GLP1R: variants seen among roughly 807,000 people sequenced by gnomAD.
The protein encoded by GLP1R is glucagon-like peptide 1 receptor.
A neutral mutation model predicts 68.4 loss-of-function variants in GLP1R; 32 were observed. That is an observed-to-expected ratio of 0.47 (90% CI 0.35 to 0.63). GLP1R has a LOEUF of 0.63. Among genes scored for constraint, GLP1R ranks in the 20% least tolerant of loss-of-function variants. The pLI is 0.00. For synonymous variants in GLP1R, 263 were observed against 244.4 expected (o/e 1.08, Z -0.71); for missense variants, 502 against 594.9 (o/e 0.84, Z 1.62).
chr6:39,079,505 G>GGAA lies in GLP1R; in HGVS notation c.1044-53_1044-51dup. 6.7e-7 allele frequency: 1 copy of GGAA among 1,494,298 alleles called. No individual in the cohort carries two copies. Among genetic ancestry groups the GGAA allele is most frequent in the Non-Finnish European group, 9.0e-7 (1 of 1,110,822 alleles). 92.6% of individuals were successfully genotyped at this position (1,494,298 alleles called of 1,614,324 possible). A position where few individuals can be genotyped will look rare whatever the true frequency, so the allele number is the denominator to read the frequency against. On this transcript the variant is annotated intron_variant, in intron 10 of 12. Transcript: ENST00000373256. The surrounding 1 kb of genome is among the most constrained non-coding windows in gnomAD (Gnocchi z 4.5). The stretch of plus-strand genomic sequence containing the variant: ...TAGGAAGTGGGGAGGGTAGAGAAAG[G>GGAA]GAAGAAGAGTCCATGGGAGAGGTCC...
rs1407561609 is a variant in GLP1R at position 39,088,251 on chromosome 6, A to G, written c.*2178A>G. Among the ~76,000 whole-genome samples the G allele has an allele frequency of 6.6e-6, 1 of 152,060 alleles. No homozygotes were observed. Among genetic ancestry groups the G allele is most frequent in the Non-Finnish European group, 1.5e-5 (1 of 67,998 alleles). The stretch of plus-strand genomic sequence containing the variant: ...TTTCCTTCATGAATACATACAAGAT[A>G]CCGAACTGAAGAAATCTTTTCTTTG... On this transcript the variant is annotated 3_prime_UTR_variant, in exon 13 of 13. Coordinates refer to ENST00000373256, the MANE Select transcript of GLP1R (RefSeq NM_002062.5).
At chr6:39,064,727 G>T (rs1345285147) in intron 3 of GLP1R, among the ~76,000 whole-genome samples, 1 of 152,230 alleles carries the variant, frequency 6.6e-6, no homozygotes, top group Non-Finnish European at 1.5e-5. Context: ...GGGGCATGGT[G>T]GGGGACAGCC....
chr6:39,050,181 A>G (rs1768052952), intron 1 of GLP1R, among the ~76,000 whole-genome samples: 1 of 151,962 alleles, frequency 6.6e-6, no homozygotes. Flanking sequence ...CCCCCTTCCA[A>G]GACACCTTCC....
chr6:39,067,059 GCA>G (rs1768538142), intron 5 of GLP1R, among the ~76,000 whole-genome samples: 1 of 152,110 alleles, frequency 6.6e-6, no homozygotes, highest in Admixed American at 6.5e-5. Flanking sequence ...GATCACTCAT[GCA>G]CACACCATCC....
At chr6:39,062,841 G>T (rs1768384582) in intron 3 of GLP1R, among the ~76,000 whole-genome samples, 1 of 152,208 alleles carries the variant, frequency 6.6e-6, no homozygotes, top group African/African-American at 2.4e-5. Flanking sequence ...TATGTACAAT[G>T]GGACTAACTG....
In GLP1R at chr6:39,091,075, A is replaced by G. The variant is rs773981458; in HGVS notation, c.*5002A>G. Among the ~76,000 whole-genome samples, 100 of 152,302 alleles carry G rather than the reference A, an allele frequency of 6.6e-4. No individual in the cohort carries two copies. Among genetic ancestry groups the G allele is most frequent in the Non-Finnish European group, 2.2e-4 (15 of 68,022 alleles). On this transcript the variant is annotated 3_prime_UTR_variant, in exon 13 of 13. Coordinates refer to ENST00000373256, the MANE Select transcript of GLP1R (RefSeq NM_002062.5). ...GAGGTAAGCCAAGCTCTCAGGAGGG[A>G]CAAAGATAGATTTCTATCTTCAGTG...
At position 39,056,945 on chromosome 6, in the gene GLP1R, A is replaced by G. The variant is rs1031912947; in HGVS notation, c.175+452A>G. Among the ~76,000 whole-genome samples, 4 of 152,190 alleles carry G rather than the reference A, an allele frequency of 2.6e-5. No homozygotes were observed. The South Asian group carries it at 6.2e-4, about 24-fold the overall frequency. ...TGCATGGACTGAGGGCTCCACAAAC[A>G]TATTTATAGGAATAAATGTTTCAGG... On this transcript the variant is annotated intron_variant, in intron 2 of 12. Coordinates refer to ENST00000373256, the MANE Select transcript of GLP1R (RefSeq NM_002062.5).
In GLP1R at chr6:39,085,937, G is replaced by A. The variant is rs200691429; in HGVS notation, c.1256G>A (p.Arg419His). Residue 419 changes from arginine to histidine, a missense_variant, in exon 13 of 13, where the codon CGC (arginine) becomes CAC (histidine). Coordinates refer to ENST00000373256, the MANE Select transcript of GLP1R (RefSeq NM_002062.5). ...VQLEFRKSWE[R>H]WRLEHLHIQR... ...CTGGAATTTCGGAAGAGCTGGGAGC[G>A]CTGGCGGCTTGAGCACTTGCACATC... The A allele has an allele frequency of 6.8e-6, 11 of 1,613,808 alleles. No homozygotes were observed. Among genetic ancestry groups the A allele is most frequent in the Admixed American group, 3.3e-5 (2 of 60,002 alleles).
At chr6:39,070,104 A>G (rs1768620240) in intron 5 of GLP1R, among the ~76,000 whole-genome samples, 1 of 152,222 alleles carries the variant, frequency 6.6e-6, no homozygotes, top group Non-Finnish European at 1.5e-5. Flanking sequence ...TAAGGACGCT[A>G]ATCCCATTCT....
chr6:39,048,833 TC>T lies in GLP1R; in HGVS notation c.-4del. The T allele has an allele frequency of 7.1e-7, 1 of 1,417,620 alleles. No homozygotes were observed. The highest frequency in any genetic ancestry group is 9.5e-7 in the Non-Finnish European group (1 of 1,055,904). The allele number at this position is 1,417,620 out of a possible 1,614,324, so 87.8% of individuals were successfully genotyped here. A position where few individuals can be genotyped will look rare whatever the true frequency, so the allele number is the denominator to read the frequency against. ...TGGCAGCGATGGCCCAGTCCTGAAC[TC>T]CCCGCCATGGCCGGCGCCCCCGGCC... On this transcript the variant is annotated 5_prime_UTR_variant, in exon 1 of 13. Transcript: ENST00000373256.
At chr6:39,081,225 A>G (rs1181102649) in intron 12 of GLP1R, among the ~76,000 whole-genome samples, 1 of 152,190 alleles carries the variant, frequency 6.6e-6, no homozygotes, top group Non-Finnish European at 1.5e-5. Context: ...AGAGTCAGGA[A>G]CCTGCCCTAG....
rs200423130 is a variant in GLP1R at position 39,072,865 on chromosome 6, C to A, written c.513C>A (p.His171Gln). The A allele has an allele frequency of 2.5e-6, 4 of 1,613,574 alleles. No homozygotes were observed. The highest frequency in any genetic ancestry group is 3.4e-6 in the Non-Finnish European group (4 of 1,179,640). ...IASAILLGFR[H>Q]LHCTRNYIHL... ...AAGGCCCTGCTTTCTCCCTCAGACA[C>A]CTGCACTGCACCAGGAACTACATCC... is the stretch of plus-strand genomic sequence containing the variant. The change falls in exon 6 of 13, where the codon CAC (histidine) becomes CAA (glutamine). Residue 171 changes from histidine to glutamine, a missense_variant. By Grantham distance (24) the His-to-Gln change is conservative. Coordinates refer to ENST00000373256, the MANE Select transcript of GLP1R (RefSeq NM_002062.5).
In GLP1R at chr6:39,086,324, G is replaced by A; in HGVS notation, c.*251G>A. Reference sequence around the variant, plus strand: ...TCCTAATTTGATCACAGTGGCGAGAGGAGAGGAAAAACGATCGCTGTGAAA... The same window carrying A: ...TCCTAATTTGATCACAGTGGCGAGAAGAGAGGAAAAACGATCGCTGTGAAA... On this transcript the variant is annotated 3_prime_UTR_variant, in exon 13 of 13. Transcript: ENST00000373256. The surrounding 1 kb of genome is among the most constrained non-coding windows in gnomAD (Gnocchi z 4.5). The A allele has an allele frequency of 2.4e-6, 1 of 425,386 alleles. No individual in the cohort carries two copies. Among genetic ancestry groups the A allele is most frequent in the Non-Finnish European group, 4.2e-6 (1 of 239,526 alleles). The allele number at this position is 425,386 out of a possible 1,614,324, so 26.4% of individuals were successfully genotyped here.
At chr6:39,075,432 T>A (rs1768790917) in intron 7 of GLP1R, among the ~76,000 whole-genome samples, 1 of 152,034 alleles carries the variant, frequency 6.6e-6, no homozygotes, top group Non-Finnish European at 1.5e-5. Flanking sequence ...TCAAGGGACG[T>A]GTGTGATGTG....
At chr6:39,059,406 C>T (rs1285530640) in intron 3 of GLP1R, among the ~76,000 whole-genome samples, 2 of 152,042 alleles carry the variant, frequency 1.3e-5, no homozygotes, top group Non-Finnish European at 1.5e-5. Flanking sequence ...GTGTGTGTGC[C>T]CTTGCATGTG....
chr6:39,073,711 G>A lies in GLP1R; in HGVS notation c.765G>A (p.Leu255=). ...LVEGVYLYTL[L]AFSVLSEQWI... is the part of the protein sequence containing the mutation. The stretch of plus-strand genomic sequence containing the variant: ...AGGGCGTGTACCTGTACACACTGCT[G>A]GCCTTCTCGGTCTTATCTGAGCAAT... The change falls in exon 7 of 13, where the codon CTG becomes CTA. Residue 255 remains leucine (L), a synonymous_variant. Coordinates refer to ENST00000373256, the MANE Select transcript of GLP1R (RefSeq NM_002062.5). The A allele has an allele frequency of 3.7e-6, 6 of 1,613,914 alleles. No individual in the cohort carries two copies. Among genetic ancestry groups the A allele is most frequent in the Non-Finnish European group, 5.1e-6 (6 of 1,179,818 alleles).
chr6:39,053,902 CA>C (rs1416864268), intron 1 of GLP1R, among the ~76,000 whole-genome samples: 1 of 152,112 alleles, frequency 6.6e-6, no homozygotes, highest in Non-Finnish European at 1.5e-5. Flanking sequence ...CTCCCTGCCC[CA>C]AAAAATCCTC....
At chr6:39,065,157 T>C (rs1768468935) in intron 3 of GLP1R, among the ~76,000 whole-genome samples, 1 of 152,180 alleles carries the variant, frequency 6.6e-6, no homozygotes, top group South Asian at 2.1e-4. Flanking sequence ...TGTGTCTCTC[T>C]CTCTCTCAGA....
At chr6:39,056,981 G>C (rs1768229230) in intron 2 of GLP1R, among the ~76,000 whole-genome samples, 1 of 152,216 alleles carries the variant, frequency 6.6e-6, no homozygotes, top group African/African-American at 2.4e-5. Flanking sequence ...GAGTTCACAA[G>C]GTGGTTTAAA....
Sources: allele counts gnomAD v4.1 joint callset (sites outside exome capture counted in the v4.1 genomes callset), GRCh38; gene constraint gnomAD v4.1.1; non-coding constraint Gnocchi (gnomAD v3.1); transcripts MANE v1.5; gene names NCBI Gene and HGNC (gene_info 2026-07-23, HGNC 2026-07-21).